The following PCSK5 variants were observed in gnomAD, a reference collection of about 807,000 sequenced individuals.
PCSK5 encodes the protein proprotein convertase subtilisin/kexin type 5.
Under a neutral mutation model 233.2 loss-of-function variants are expected in PCSK5, and 129 were observed. The ratio of observed to expected loss-of-function variants is 0.55; its 90% confidence interval spans 0.48 to 0.64. The LOEUF (loss-of-function observed/expected upper bound fraction) is 0.64. PCSK5 is among the 30% of genes least tolerant of loss of function. PCSK5 has a pLI of 0.00. For missense variants in PCSK5, 2,076 were observed against 2,430.1 expected (o/e 0.85, Z 3.06); for synonymous variants, 825 against 879.2 (o/e 0.94, Z 1.09).
intron 20 of PCSK5, among the ~76,000 whole-genome samples, chr9:76,191,531 A>ATGAT (rs1218357773): frequency 3.9e-5 from 6 of 152,330 alleles, no homozygotes; most frequent in Admixed American, 2.6e-4. Context: ...AACGGGGCAC[A>ATGAT]TGATTGATAG....
chr9:76,332,454 G>A lies in PCSK5; in HGVS notation c.4592G>A (p.Cys1531Tyr), dbSNP rs1286021378. The change falls in exon 34 of 38, where the codon TGC becomes TAC. Residue 1531 changes from cysteine (C) to tyrosine (Y), a missense_variant. Cys to Tyr is a radical substitution (Grantham distance 194). Coordinates refer to ENST00000674117, the MANE Select transcript of PCSK5 (RefSeq NM_001372043.1). ...ACAGACACAACCTGTGTGAAGGACT[G>A]CCCAGAGGGCTATTATGCCGATGAG... is the stretch of plus-strand genomic sequence containing the variant. The part of the protein sequence containing the change: ...LLLNTTCVKD[C>Y]PEGYYADEDS... 1 of 1,612,408 alleles carries A rather than the reference G, an allele frequency of 6.2e-7. No individual in the cohort carries two copies. Among genetic ancestry groups the A allele is most frequent in the Non-Finnish European group, 8.5e-7 (1 of 1,179,660 alleles).
chr9:76,157,461 C>T (rs1039573816), intron 11 of PCSK5, among the ~76,000 whole-genome samples: 1 of 149,260 alleles, frequency 6.7e-6, no homozygotes, highest in Non-Finnish European at 1.5e-5. Flanking sequence ...CAAGTATTCT[C>T]CAGAAGTCAG....
intron 4 of PCSK5, among the ~76,000 whole-genome samples, chr9:76,024,800 G>C (rs1486874663): frequency 6.6e-6 from 1 of 152,224 alleles, no homozygotes; most frequent in East Asian, 1.9e-4. Context: ...GGGTAAGAGA[G>C]AAAGCACGTT....
intron 2 of PCSK5, among the ~76,000 whole-genome samples, chr9:75,944,642 G>T (rs1824476904): frequency 6.6e-6 from 1 of 152,068 alleles, no homozygotes; most frequent in African/African-American, 2.4e-5. Flanking sequence ...TCCCACATGT[G>T]TAAAGTTTGG....
At chr9:76,351,501 AAAG>A (rs1830142793) in intron 36 of PCSK5, among the ~76,000 whole-genome samples, 1 of 116,150 alleles carries the variant, frequency 8.6e-6, no homozygotes, top group African/African-American at 3.0e-5. Flanking sequence ...AGAAAGAAAG[AAAG>A]AAAGAAAGAA....
chr9:76,189,585 C>G, intron 19 of PCSK5, 46 bp from the exon 20 acceptor site: 1 of 1,130,744 alleles, frequency 8.8e-7, no homozygotes, highest in Admixed American at 1.7e-5. Context: ...ACACCTTCCC[C>G]TGTGCATGTG....
At chr9:76,094,141 A>G (rs1215073235) in intron 7 of PCSK5, among the ~76,000 whole-genome samples, 1 of 152,218 alleles carries the variant, frequency 6.6e-6, no homozygotes, top group Non-Finnish European at 1.5e-5. Context: ...GGACAAAAAG[A>G]AAGGTATGAA....
chr9:76,185,460 A>ATATC (rs2131228035), intron 17 of PCSK5, among the ~76,000 whole-genome samples: 1 of 152,228 alleles, frequency 6.6e-6, no homozygotes, highest in South Asian at 2.1e-4. Flanking sequence ...AGTATTGATC[A>ATATC]TATCTTTATT....
chr9:76,205,345 C>A (rs1018918244), intron 20 of PCSK5, among the ~76,000 whole-genome samples: 1 of 152,152 alleles, frequency 6.6e-6, no homozygotes, highest in Non-Finnish European at 1.5e-5. Context: ...GCGAGACATT[C>A]GCAGACCATA....
chr9:76,124,703 T>A (rs1187064812), intron 9 of PCSK5, among the ~76,000 whole-genome samples: 2 of 131,032 alleles, frequency 1.5e-5, no homozygotes, highest in Non-Finnish European at 3.1e-5. Context: ...CCAAGATTCA[T>A]ACCACTGCAC....
intron 5 of PCSK5, among the ~76,000 whole-genome samples, chr9:76,054,917 G>C (rs939823515): frequency 2.6e-5 from 4 of 152,028 alleles, no homozygotes; most frequent in Admixed American, 6.6e-5. Context: ...AAGCTTGCTA[G>C]TTATTTACAT....
intron 17 of PCSK5, 135 bp from the exon 18 acceptor site, chr9:76,188,443 C>T (rs1467869738): frequency 3.3e-6 from 2 of 611,054 alleles, no homozygotes; most frequent in East Asian, 2.8e-5. Context: ...CGGGCTATTT[C>T]CCCGGCTTTG....
chr9:76,158,870 A>G (rs1253228125), intron 11 of PCSK5, 113 bp from the exon 12 acceptor site: 1 of 859,064 alleles, frequency 1.2e-6, no homozygotes, highest in Non-Finnish European at 1.9e-6. Flanking sequence ...GTTGTTTAGT[A>G]TCCAGCTATC....
chr9:76,070,381 G>T (rs1016723549), intron 6 of PCSK5, among the ~76,000 whole-genome samples: 2 of 152,122 alleles, frequency 1.3e-5, no homozygotes, highest in Non-Finnish European at 2.9e-5. Flanking sequence ...AAATTCAAGA[G>T]TCTAGAAGAA....
chr9:76,328,950 AG>A (rs1307183758), intron 33 of PCSK5, among the ~76,000 whole-genome samples: 1 of 148,596 alleles, frequency 6.7e-6, no homozygotes, highest in African/African-American at 2.5e-5. Flanking sequence ...CTGGGATTAC[AG>A]GTGGGCACCA....
rs753928430 is a variant in PCSK5, at chr9:76,285,975, C to T, written c.3143-6258C>T. On this transcript the variant is annotated intron_variant, in intron 24 of 37. Transcript: ENST00000674117. ...AAGAGGAAAGAAAAGATCTGGGCTG[C>T]GATGATTACTGGGTTCTATTTGTCT... Among the ~76,000 whole-genome samples, 5 of 152,130 alleles carry T rather than the reference C, an allele frequency of 3.3e-5. No homozygotes were observed. In the East Asian group the frequency reaches 7.7e-4, roughly 24 times the overall value.
intron 9 of PCSK5, among the ~76,000 whole-genome samples, chr9:76,117,951 C>T (rs201360199): frequency 6.6e-6 from 1 of 152,056 alleles, no homozygotes; most frequent in Non-Finnish European, 1.5e-5. Flanking sequence ...GGAAGAATGT[C>T]GTAGCGAGCT....
chr9:76,219,884 G>T (rs746976736), intron 20 of PCSK5, among the ~76,000 whole-genome samples: 1 of 152,204 alleles, frequency 6.6e-6, no homozygotes, highest in East Asian at 1.9e-4. Flanking sequence ...ACTTATTTCT[G>T]TCAACATGTA....
At chr9:76,120,685 T>TC in intron 9 of PCSK5, among the ~76,000 whole-genome samples, 1 of 151,812 alleles carries the variant, frequency 6.6e-6, no homozygotes, top group Non-Finnish European at 1.5e-5. Flanking sequence ...ATTTTCTTGT[T>TC]TTTTTTTCCA....
Sources: gnomAD v4.1 joint callset for allele counts (sites outside exome capture counted in the v4.1 genomes callset) on GRCh38, gnomAD v4.1.1 for gene constraint, MANE v1.5 for transcripts, NCBI Gene and HGNC (gene_info 2026-07-23, HGNC 2026-07-21) for gene names.